The following LUC7L2 variants were observed in gnomAD, a reference collection of about 807,000 sequenced individuals.
LUC7L2 encodes the protein LUC7 like 2, pre-mRNA splicing factor, also known as putative RNA-binding protein Luc7-like 2.
LUC7L2 carries 25 observed loss-of-function variants against 52.8 expected under a neutral mutation model. The observed-to-expected ratio is 0.47, with a 90% confidence interval of 0.34 to 0.66. The LOEUF (loss-of-function observed/expected upper bound fraction) is 0.66. LUC7L2 is among the 30% of genes least tolerant of loss of function. LUC7L2 has a pLI of 0.01. For synonymous variants in LUC7L2, 144 were observed against 160.9 expected (o/e 0.89, Z 0.80); for missense variants, 328 against 497.8 (o/e 0.66, Z 3.25).
chr7:139,350,219 T>G (rs1390589755), intron 1 of LUC7L2, among the ~76,000 whole-genome samples: 1 of 152,174 alleles, frequency 6.6e-6, no homozygotes, highest in African/African-American at 2.4e-5. Context: ...CCTCCCGGGT[T>G]CACGCCATTC....
In LUC7L2 at chr7:139,360,387, G is replaced by A. The variant is rs979944759; in HGVS notation, c.61+65G>A. 3.6e-5 allele frequency: 54 copies of A among 1,488,862 alleles called. 1 individual carries two copies. The South Asian group carries it at 6.2e-4, about 17-fold the overall frequency. The allele number at this position is 1,488,862 out of a possible 1,614,324, so 92.2% of individuals were successfully genotyped here. On this transcript the variant is annotated intron_variant, in intron 1 of 9. Transcript: ENST00000354926. ...GGGGACGGCGAAGGGAAGGGGTTCC[G>A]AGGGCGCACCTGGGCGCGCGCGTGT...
At chr7:139,405,481 A>G (rs1340506143) in intron 4 of LUC7L2, among the ~76,000 whole-genome samples, 163 bp from the exon 5 acceptor site, 1 of 152,220 alleles carries the variant, frequency 6.6e-6, no homozygotes, top group African/African-American at 2.4e-5. Flanking sequence ...CAGGCTCAGA[A>G]CATCCTGATG....
chr7:139,386,404 A>ATATT (rs1794193696), intron 2 of LUC7L2, among the ~76,000 whole-genome samples: 2 of 131,512 alleles, frequency 1.5e-5, no homozygotes, highest in Non-Finnish European at 3.1e-5. Flanking sequence ...GTCACTGGAA[A>ATATT]TTTTTTTTTT....
Position 139,369,489 on chromosome 7 carries a change from A to G in LUC7L2, c.62-6573A>G, listed in dbSNP as rs968042162. ...CAAGACCCTTTGCTTGTATTAATAT[A>G]ATGAGAGAAGATAGGTGCAGGGCAT... On this transcript the variant is annotated intron_variant, in intron 1 of 9. Transcript: ENST00000354926. Among the ~76,000 whole-genome samples, 5 of 152,294 alleles carry G rather than the reference A, an allele frequency of 3.3e-5. No homozygotes were observed. The South Asian group carries it at 8.3e-4, about 25-fold the overall frequency.
chr7:139,421,915 G>T (rs1041577808), intron 9 of LUC7L2, among the ~76,000 whole-genome samples: 1 of 152,160 alleles, frequency 6.6e-6, no homozygotes, highest in Admixed American at 6.5e-5. Flanking sequence ...TCTCTGAGAT[G>T]AGAGTAGCCT....
chr7:139,369,765 T>G (rs752312052), intron 1 of LUC7L2, among the ~76,000 whole-genome samples: 1 of 152,192 alleles, frequency 6.6e-6, no homozygotes, highest in Non-Finnish European at 1.5e-5. Flanking sequence ...TCTTCTACAG[T>G]GGGCATCACA....
At chr7:139,407,000 GGTTTTTTT>G (rs1461836245) in intron 5 of LUC7L2, among the ~76,000 whole-genome samples, 166 bp from the exon 6 acceptor site, 6 of 111,612 alleles carry the variant, frequency 5.4e-5, no homozygotes, top group Admixed American at 5.1e-4. Context: ...ATGCTTTTGT[GGTTTTTTT>G]TTTTTTTTTT....
chr7:139,392,417 T>G (rs1794482119), intron 2 of LUC7L2: 2 of 386,200 alleles, frequency 5.2e-6, no homozygotes, highest in African/African-American at 4.3e-5. Flanking sequence ...CGATTTAACT[T>G]TGTTACCTTT....
At chr7:139,378,222 T>C (rs1408267777) in intron 2 of LUC7L2, among the ~76,000 whole-genome samples, 1 of 152,188 alleles carries the variant, frequency 6.6e-6, no homozygotes, top group East Asian at 1.9e-4. Context: ...TATAGTATAC[T>C]GTGATTCTCC....
chr7:139,396,504 A>G (rs536969146), intron 2 of LUC7L2, among the ~76,000 whole-genome samples: 26 of 152,224 alleles, frequency 1.7e-4, no homozygotes, highest in African/African-American at 4.1e-4. Context: ...CCTTCGGGCC[A>G]TAATAAAACA....
chr7:139,369,773 A>C lies in LUC7L2; in HGVS notation c.62-6289A>C, dbSNP rs1422842808. ...GGAGATTTCTTCTACAGTGGGCATC[A>C]CATTTTAAAAATGTTTGGCTTGTCA... On this transcript the variant is annotated intron_variant, in intron 1 of 9. Transcript: ENST00000354926. Among the ~76,000 whole-genome samples, 9 of 152,358 alleles carry C rather than the reference A, an allele frequency of 5.9e-5. No individual in the cohort carries two copies. In the East Asian group the frequency reaches 1.5e-3, roughly 26 times the overall value.
At chr7:139,379,370 C>CT (rs34846398) in intron 2 of LUC7L2, among the ~76,000 whole-genome samples, 3,383 of 144,472 alleles carry the variant, frequency 0.023, 61 homozygotes, top group Middle Eastern at 0.045. Flanking sequence ...CATTTCCTGC[C>CT]TTTTTTTTTT....
chr7:139,402,766 T>C (rs1365009316), intron 4 of LUC7L2, among the ~76,000 whole-genome samples: 3 of 152,140 alleles, frequency 2.0e-5, no homozygotes, highest in Non-Finnish European at 4.4e-5. Context: ...TCAAGCGATC[T>C]ACCCACCTTG....
At chr7:139,402,833 C>T (rs905611689) in intron 4 of LUC7L2, among the ~76,000 whole-genome samples, 3 of 152,242 alleles carry the variant, frequency 2.0e-5, no homozygotes, top group Non-Finnish European at 2.9e-5. Context: ...CAGCTCTCTG[C>T]AGTTTAATCA....
intron 8 of LUC7L2, among the ~76,000 whole-genome samples, chr7:139,415,034 G>A (rs1795524697): frequency 6.9e-6 from 1 of 145,784 alleles, no homozygotes; most frequent in Non-Finnish European, 1.5e-5. Flanking sequence ...TTATAGGCAC[G>A]TGCCACCATG....
chr7:139,407,089 T>A, intron 5 of LUC7L2, 85 bp from the exon 6 acceptor site: 1 of 1,262,136 alleles, frequency 7.9e-7, no homozygotes, highest in Non-Finnish European at 1.0e-6. Context: ...AGAAAACACT[T>A]TTGGTATAAG....
intron 8 of LUC7L2, among the ~76,000 whole-genome samples, chr7:139,415,431 A>C (rs1795549768): frequency 6.6e-6 from 1 of 152,162 alleles, no homozygotes; most frequent in Non-Finnish European, 1.5e-5. Flanking sequence ...GAATAAAGTT[A>C]TACATTGGAA....
intron 3 of LUC7L2, among the ~76,000 whole-genome samples, chr7:139,401,367 GTCTT>G (rs1241564261): frequency 6.6e-6 from 1 of 152,070 alleles, no homozygotes; most frequent in Non-Finnish European, 1.5e-5. Context: ...AGATTTTTCT[GTCTT>G]TATTTTACAA....
intron 4 of LUC7L2, 93 bp downstream of exon 4, chr7:139,402,340 T>C (rs1370486556): frequency 1.6e-6 from 2 of 1,240,746 alleles, no homozygotes; most frequent in Non-Finnish European, 2.1e-6. Context: ...TGCAAGAGAT[T>C]GCAAAGACAT....
Sources: allele counts gnomAD v4.1 joint callset (sites outside exome capture counted in the v4.1 genomes callset), GRCh38; gene constraint gnomAD v4.1.1; transcripts MANE v1.5; gene names NCBI Gene and HGNC (gene_info 2026-07-23, HGNC 2026-07-21).